GBE1: variants seen among roughly 807,000 people sequenced by gnomAD.
The protein encoded by GBE1 is 1,4-alpha-glucan branching enzyme 1.
Under a neutral mutation model 88.8 loss-of-function variants are expected in GBE1, and 70 were observed. The ratio of observed to expected loss-of-function variants is 0.79; its 90% CI spans 0.65 to 0.96. The LOEUF (loss-of-function observed/expected upper bound fraction) is 0.96, where lower values mean the gene tolerates loss of function less well. Among genes scored for constraint, GBE1 ranks in the 40% least tolerant of loss-of-function variants. The probability of loss-of-function intolerance (pLI) is 0.00; values close to 1 mark genes in which losing one functional copy is unlikely to be tolerated. For synonymous variants in GBE1, 284 were observed against 300.1 expected (o/e 0.95, Z 0.56); for missense variants, 872 against 871.0 (o/e 1.00, Z -0.01).
At chr3:81,667,404 G>T (rs988607022) in intron 3 of GBE1, among the ~76,000 whole-genome samples, 6 of 152,158 alleles carry the variant, frequency 3.9e-5, no homozygotes, top group Non-Finnish European at 8.8e-5. Flanking sequence ...GAGACAATTT[G>T]ACTTCCTCTC....
rs2594548 is a variant in GBE1, at chr3:81,733,194, C to A, written c.144-27581G>T. Among the ~76,000 whole-genome samples the A allele has an allele frequency of 0.013, 2,037 of 152,092 alleles. 35 individuals are homozygous for A. The highest frequency in any genetic ancestry group is 0.046 in the African/African-American group (1,889 of 41,494). On this transcript the variant is annotated intron_variant, in intron 1 of 15. Transcript: ENST00000429644. This position sits in a 1 kb window ranked among gnomAD's most constrained non-coding sequence, Gnocchi z 4.0. Reference sequence around the variant, plus strand: ...AGAATCTAACAGGGTTCACATAGAACCCTACTGTGAACTGCACATGCAAGG... The same window carrying A: ...AGAATCTAACAGGGTTCACATAGAAACCTACTGTGAACTGCACATGCAAGG...
intron 5 of GBE1, among the ~76,000 whole-genome samples, chr3:81,648,161 C>T (rs1455824346): frequency 2.6e-5 from 4 of 152,096 alleles, no homozygotes; most frequent in African/African-American, 9.7e-5. Context: ...AATTTGGACT[C>T]TCTAGCAGAA....
intron 9 of GBE1, among the ~76,000 whole-genome samples, 169 bp downstream of exon 9, chr3:81,590,868 G>A (rs1362103948): frequency 6.6e-6 from 1 of 152,040 alleles, no homozygotes; most frequent in Non-Finnish European, 1.5e-5. Context: ...TAGGGAAACA[G>A]TGAATTCTAA....
intron 7 of GBE1, among the ~76,000 whole-genome samples, chr3:81,626,099 A>G (rs2107023000): frequency 6.6e-6 from 1 of 152,332 alleles, no homozygotes; most frequent in East Asian, 1.9e-4. Flanking sequence ...CAACAAAACA[A>G]TGCCGGCACT....
chr3:81,500,281 G>A (rs2106811473), intron 14 of GBE1, among the ~76,000 whole-genome samples: 1 of 152,200 alleles, frequency 6.6e-6, no homozygotes, highest in East Asian at 1.9e-4. Context: ...AGATGCAAAT[G>A]ATGACTACCA....
At chr3:81,702,102 A>AGAGAGTGTGTGTGT (rs1468506890) in intron 2 of GBE1, among the ~76,000 whole-genome samples, 1 of 115,408 alleles carries the variant, frequency 8.7e-6, no homozygotes, top group Non-Finnish European at 1.9e-5. Context: ...AGAGAGAGAG[A>AGAGAGTGTGTGTGT]GTGTGTGTGT....
Position 81,733,195 on chromosome 3 carries a change from C to G in GBE1, c.144-27582G>C, listed in dbSNP as rs540623816. Among the ~76,000 whole-genome samples the G allele has an allele frequency of 6.6e-6, 1 of 152,002 alleles. No homozygotes were observed. The highest frequency in any genetic ancestry group is 2.1e-4 in the South Asian group (1 of 4,806). On this transcript the variant is annotated intron_variant, in intron 1 of 15. Transcript: ENST00000429644. This position sits in a 1 kb window ranked among gnomAD's most constrained non-coding sequence, Gnocchi z 4.0. ...GAATCTAACAGGGTTCACATAGAAC[C>G]CTACTGTGAACTGCACATGCAAGGG... is the stretch of plus-strand genomic sequence containing the variant.
chr3:81,746,993 G>T (rs925390418), intron 1 of GBE1, among the ~76,000 whole-genome samples: 6 of 152,136 alleles, frequency 3.9e-5, no homozygotes, highest in Non-Finnish European at 8.8e-5. Context: ...CTCAATACAA[G>T]TTTGTCAGTT....
At chr3:81,594,614 AC>A (rs1703930558) in intron 7 of GBE1, among the ~76,000 whole-genome samples, 1 of 152,094 alleles carries the variant, frequency 6.6e-6, no homozygotes. Flanking sequence ...AAGCAATATT[AC>A]ATTGACTAGA....
Position 81,612,281 on chromosome 3 carries a change from C to A in GBE1, c.993-18258G>T, listed in dbSNP as rs930742759. On this transcript the variant is annotated intron_variant, in intron 7 of 15. Transcript: ENST00000429644. ...CTCTGGTTCCTCATGTTGCCTCTTCCTGCTGGCTTTATTCTGCGTTTGACT... is the reference window on the plus strand; with the variant it reads ...CTCTGGTTCCTCATGTTGCCTCTTCATGCTGGCTTTATTCTGCGTTTGACT... The A allele has an allele frequency of 7.0e-6, 5 of 714,192 alleles. No homozygotes were observed. The Admixed American group carries it at 1.2e-4, about 17-fold the overall frequency. The allele number at this position is 714,192 out of a possible 1,614,324, so 44.2% of individuals were successfully genotyped here.
chr3:81,643,380 T>G (rs1198049976), intron 6 of GBE1, among the ~76,000 whole-genome samples: 2 of 152,060 alleles, frequency 1.3e-5, no homozygotes, highest in African/African-American at 4.8e-5. Flanking sequence ...CTTCAAGAAT[T>G]TATTTGAATA....
At chr3:81,750,619 A>G (rs1252916733) in intron 1 of GBE1, among the ~76,000 whole-genome samples, 959 of 66,380 alleles carry the variant, frequency 0.014, 122 homozygotes, top group African/African-American at 0.075. Flanking sequence ...ATATATATGT[A>G]TATATATATA....
At chr3:81,695,923 A>T (rs1705584668) in intron 2 of GBE1, among the ~76,000 whole-genome samples, 1 of 152,164 alleles carries the variant, frequency 6.6e-6, no homozygotes, top group Non-Finnish European at 1.5e-5. Context: ...TTTTTTCAGG[A>T]GTCCCTAATG....
At chr3:81,722,732 CCTGACCATT>C (rs1287409234) in intron 1 of GBE1, among the ~76,000 whole-genome samples, 1 of 151,502 alleles carries the variant, frequency 6.6e-6, no homozygotes, top group Non-Finnish European at 1.5e-5. Flanking sequence ...GCCAGCTAAA[CCTGACCATT>C]CTGCTGAAAT....
At chr3:81,525,431 G>C (rs1702930729) in intron 14 of GBE1, among the ~76,000 whole-genome samples, 1 of 152,042 alleles carries the variant, frequency 6.6e-6, no homozygotes, top group Admixed American at 6.6e-5. Flanking sequence ...GATTCGGTTT[G>C]CCAGTATTTT....
At chr3:81,497,230 T>G (rs1702511866) in intron 15 of GBE1, among the ~76,000 whole-genome samples, 1 of 152,102 alleles carries the variant, frequency 6.6e-6, no homozygotes, top group African/African-American at 2.4e-5. Context: ...TCTGCCCACC[T>G]CAAAAGAGTC....
intron 14 of GBE1, among the ~76,000 whole-genome samples, chr3:81,506,453 T>G (rs1205590228): frequency 2.0e-5 from 3 of 152,122 alleles, no homozygotes; most frequent in Admixed American, 6.5e-5. Context: ...ACACCATTAG[T>G]AGGAAAGATA....
rs1704157747 is a variant in GBE1 at position 81,609,983 on chromosome 3, T to C, written c.993-15960A>G. Among the ~76,000 whole-genome samples the C allele has an allele frequency of 2.0e-5, 3 of 152,124 alleles. No homozygotes were observed. The South Asian group carries it at 6.2e-4, about 32-fold the overall frequency. On this transcript the variant is annotated intron_variant, in intron 7 of 15. Coordinates refer to ENST00000429644, the MANE Select transcript of GBE1 (RefSeq NM_000158.4). ...TGAGGAAAAAAGAGTAAAAAGGTATTTAAAATCAATAAAGATACAAATGTG... is the reference window on the plus strand; with the variant it reads ...TGAGGAAAAAAGAGTAAAAAGGTATCTAAAATCAATAAAGATACAAATGTG...
Position 81,748,638 on chromosome 3 carries a change from T to A in GBE1, c.143+12737A>T, listed in dbSNP as rs114980838. Among the ~76,000 whole-genome samples the A allele has an allele frequency of 5.1e-3, 766 of 150,424 alleles. 2 individuals are homozygous for A. The highest frequency in any genetic ancestry group is 0.018 in the African/African-American group (735 of 40,910). ...CAAAAAACAACAACAACAACAAAAA[T>A]TAATGATAATACCAAATGTTGGCAA... On this transcript the variant is annotated intron_variant, in intron 1 of 15. Coordinates refer to ENST00000429644, the MANE Select transcript of GBE1 (RefSeq NM_000158.4).
Sources: allele counts gnomAD v4.1 joint callset (sites outside exome capture counted in the v4.1 genomes callset), GRCh38; gene constraint gnomAD v4.1.1; non-coding constraint Gnocchi (gnomAD v3.1); transcripts MANE v1.5; gene names NCBI Gene and HGNC (gene_info 2026-07-23, HGNC 2026-07-21).